The following SUFU variants were observed in gnomAD, a reference collection of about 807,000 sequenced individuals.
SUFU encodes the protein SUFU negative regulator of hedgehog signaling.
Under a neutral mutation model 58.9 loss-of-function variants are expected in SUFU, and 7 were observed. The ratio of observed to expected loss-of-function variants is 0.12; its 90% CI spans 0.07 to 0.22. SUFU has a LOEUF of 0.22. Ranked by LOEUF, SUFU falls within the 10% of genes least tolerant of loss-of-function variation. The pLI is 1.00. For synonymous variants in SUFU, 232 were observed against 254.8 expected (o/e 0.91, Z 0.85); for missense variants, 451 against 641.3 (o/e 0.70, Z 3.20).
intron 1 of SUFU, among the ~76,000 whole-genome samples, chr10:102,505,315 G>C (rs893710497): frequency 1.3e-5 from 2 of 152,198 alleles, no homozygotes; most frequent in Non-Finnish European, 1.5e-5. Context: ...GGGCAGAACA[G>C]ATGTTCTGGG....
intron 8 of SUFU, among the ~76,000 whole-genome samples, chr10:102,600,564 T>TAGTAA: frequency 6.6e-6 from 1 of 152,124 alleles, no homozygotes; most frequent in Non-Finnish European, 1.5e-5. Context: ...TTCCCAGAAG[T>TAGTAA]AGTAATGCTT....
At chr10:102,546,003 G>A (rs1401601040) in intron 2 of SUFU, among the ~76,000 whole-genome samples, 1 of 152,208 alleles carries the variant, frequency 6.6e-6, no homozygotes, top group African/African-American at 2.4e-5. Context: ...TGTTGAGCAT[G>A]AGATGCTGAC....
chr10:102,623,024 C>A (rs1229843236), intron 10 of SUFU, among the ~76,000 whole-genome samples: 2 of 148,080 alleles, frequency 1.4e-5, no homozygotes, highest in Non-Finnish European at 3.0e-5. Context: ...AAAGCATGGG[C>A]CTTGGCCTTA....
intron 3 of SUFU, among the ~76,000 whole-genome samples, chr10:102,576,575 A>G (rs965974951): frequency 5.3e-5 from 8 of 152,134 alleles, no homozygotes; most frequent in Middle Eastern, 3.2e-3. Context: ...TCCTTGTGAC[A>G]TGTTTTGCTC....
At chr10:102,596,580 A>G (rs2063464041) in intron 6 of SUFU, among the ~76,000 whole-genome samples, 1 of 152,224 alleles carries the variant, frequency 6.6e-6, no homozygotes, top group African/African-American at 2.4e-5. Context: ...GAACCAATGC[A>G]TCTAGGGAAG....
At chr10:102,527,548 AT>A (rs1235267099) in intron 2 of SUFU, among the ~76,000 whole-genome samples, 5 of 152,052 alleles carry the variant, frequency 3.3e-5, no homozygotes, top group African/African-American at 7.2e-5. Context: ...ATTCAAAGCC[AT>A]GAAGATATTT....
intron 10 of SUFU, among the ~76,000 whole-genome samples, chr10:102,626,518 C>T (rs983075222): frequency 6.6e-6 from 1 of 152,148 alleles, no homozygotes; most frequent in African/African-American, 2.4e-5. Flanking sequence ...GCTGGAGGAA[C>T]TCAGTGGCTG....
chr10:102,627,106 C>A, intron 10 of SUFU, 69 bp from the exon 11 acceptor site: 2 of 1,536,468 alleles, frequency 1.3e-6, no homozygotes, highest in Admixed American at 1.7e-5. Flanking sequence ...AGAGGTATAA[C>A]GCTTGGTGGT....
chr10:102,547,091 T>G (rs2062863335), intron 2 of SUFU, among the ~76,000 whole-genome samples: 1 of 152,230 alleles, frequency 6.6e-6, no homozygotes, highest in African/African-American at 2.4e-5. Context: ...TTCTCAAGTT[T>G]TTGTGGTTAG....
At chr10:102,527,950 T>C (rs1453918381) in intron 2 of SUFU, among the ~76,000 whole-genome samples, 1 of 151,788 alleles carries the variant, frequency 6.6e-6, no homozygotes, top group Non-Finnish European at 1.5e-5. Flanking sequence ...CAAATCAGAC[T>C]GTGATCTTGT....
intron 2 of SUFU, among the ~76,000 whole-genome samples, chr10:102,517,026 GAC>G (rs1403913144): frequency 1.3e-5 from 2 of 151,154 alleles, no homozygotes; most frequent in Admixed American, 6.6e-5. Flanking sequence ...GGGAGGCTGA[GAC>G]AGGAGAATCG....
intron 7 of SUFU, among the ~76,000 whole-genome samples, chr10:102,599,069 T>C (rs2063491187): frequency 6.6e-6 from 1 of 152,102 alleles, no homozygotes; most frequent in Non-Finnish European, 1.5e-5. Flanking sequence ...CAGCCTTAAC[T>C]CACATCCATT....
intron 2 of SUFU, among the ~76,000 whole-genome samples, chr10:102,513,029 C>A (rs2062420381): frequency 6.6e-6 from 1 of 151,986 alleles, no homozygotes; most frequent in Non-Finnish European, 1.5e-5. Flanking sequence ...AATTGCACTA[C>A]TGCGCTCCAG....
At chr10:102,595,371 G>C (rs2063450440) in intron 6 of SUFU, among the ~76,000 whole-genome samples, 1 of 152,174 alleles carries the variant, frequency 6.6e-6, no homozygotes, top group African/African-American at 2.4e-5. Flanking sequence ...AGGATCCTCT[G>C]TTCTCTCTGC....
intron 3 of SUFU, among the ~76,000 whole-genome samples, chr10:102,578,428 A>T (rs987705785): frequency 7.9e-5 from 12 of 151,490 alleles, no homozygotes; most frequent in Non-Finnish European, 1.5e-5. Context: ...AAATACAAAA[A>T]TTAGTCTGGG....
intron 8 of SUFU, among the ~76,000 whole-genome samples, chr10:102,613,554 AG>A (rs1302830554): frequency 6.6e-6 from 1 of 152,192 alleles, no homozygotes; most frequent in Non-Finnish European, 1.5e-5. Flanking sequence ...ACGTGTGAGG[AG>A]GTTGGGCCTG....
chr10:102,573,957 C>A (rs1026950935), intron 3 of SUFU, among the ~76,000 whole-genome samples: 2 of 151,946 alleles, frequency 1.3e-5, no homozygotes, highest in Non-Finnish European at 2.9e-5. Context: ...TTAAAAATGG[C>A]TAAATTGGTG....
chr10:102,574,713 G>T (rs2063195750), intron 3 of SUFU, among the ~76,000 whole-genome samples: 1 of 152,098 alleles, frequency 6.6e-6, no homozygotes, highest in East Asian at 1.9e-4. Context: ...ATGAACAAAA[G>T]ATGTGTTTTC....
Position 102,550,090 on chromosome 10 carries a change from A to C in SUFU, c.438A>C (p.Arg146=). 1 of 1,614,190 alleles carries C rather than the reference A, an allele frequency of 6.2e-7. No homozygotes were observed. Among genetic ancestry groups the C allele is most frequent in the Non-Finnish European group, 8.5e-7 (1 of 1,180,036 alleles). ...CAGAGTTAATGCAGGGCTTGGCACG[A>C]TACGTGTTCCAGTCAGGTAGGAGGC... The part of the protein sequence containing the change: ...WPAELMQGLA[R]YVFQSENTFC... The change falls in exon 3 of 12, where the codon CGA becomes CGC. Residue 146 remains arginine (R), a synonymous_variant. Transcript: ENST00000369902.
Sources: gnomAD v4.1 joint callset for allele counts (sites outside exome capture counted in the v4.1 genomes callset) on GRCh38, gnomAD v4.1.1 for gene constraint, MANE v1.5 for transcripts, NCBI Gene and HGNC (gene_info 2026-07-23, HGNC 2026-07-21) for gene names.